The following HDGFL3 variants were observed in gnomAD, a reference collection of about 807,000 sequenced individuals.
HDGFL3 encodes the protein HDGF like 3, also known as hepatoma-derived growth factor-related protein 3.
A neutral mutation model predicts 27.6 loss-of-function variants in HDGFL3; 6 were observed. That is an observed-to-expected ratio of 0.22 (90% CI 0.12 to 0.43). HDGFL3 has a LOEUF of 0.43. Among genes scored for constraint, HDGFL3 ranks in the 20% least tolerant of loss-of-function variants. HDGFL3 has a pLI of 1.00. For missense variants in HDGFL3, 207 were observed against 250.1 expected, an observed-to-expected ratio of 0.83 and a Z score of 1.16; for synonymous variants, 88 against 88.9, an observed-to-expected ratio of 0.99 and a Z score of 0.05.
chr15:83,122,617 C>G (rs1006540898), intron 3 of HDGFL3: 7 of 821,680 alleles, frequency 8.5e-6, no homozygotes, highest in Non-Finnish European at 1.3e-5. Flanking sequence ...TTTAAATTGA[C>G]CTTTTTAATT....
intron 5 of HDGFL3, among the ~76,000 whole-genome samples, chr15:83,150,987 C>A (rs902265249): frequency 6.6e-6 from 1 of 152,104 alleles, no homozygotes; most frequent in Non-Finnish European, 1.5e-5. Context: ...GAAAAATAAA[C>A]CTGTTCATAG....
At chr15:83,115,913 G>A in intron 3 of HDGFL3, 1 of 1,614,146 alleles carries the variant, frequency 6.2e-7, no homozygotes, top group Non-Finnish European at 8.5e-7. Flanking sequence ...TGGAATCATT[G>A]ACGGGTTCAT....
chr15:83,123,214 C>T (rs145599217), downstream of HDGFL3, among the ~76,000 whole-genome samples: 2 of 152,204 alleles, frequency 1.3e-5, no homozygotes, highest in East Asian at 1.9e-4. Flanking sequence ...ATGGCCTGGA[C>T]GTTGAACACC....
intron 1 of HDGFL3, among the ~76,000 whole-genome samples, chr15:83,177,110 G>T (rs2037322410): frequency 6.6e-6 from 1 of 152,142 alleles, no homozygotes; most frequent in Non-Finnish European, 1.5e-5. Flanking sequence ...GTAGAGACAG[G>T]ATTTCACCAT....
At position 83,132,395 on chromosome 15, in the gene HDGFL3, T is replaced by C. The variant is rs2036313379; in HGVS notation, c.*6875A>G. 6.6e-6 allele frequency: 1 copy of C among 152,200 alleles called. No individual in the cohort carries two copies. Among genetic ancestry groups the C allele is most frequent in the African/African-American group, 2.4e-5 (1 of 41,446 alleles). The allele number at this position is 152,200 out of a possible 1,614,324, so 9.4% of individuals were successfully genotyped here. ...CATGGGCTTGGTAAGGAGCCTGCCA[T>C]CCCACAGCCAGCGAAGGAGGTTCAG... On this transcript the variant is annotated 3_prime_UTR_variant, in exon 6 of 6. Coordinates refer to ENST00000299633, the MANE Select transcript of HDGFL3 (RefSeq NM_016073.4).
At chr15:83,203,930 G>A (rs2037683564) in intron 1 of HDGFL3, among the ~76,000 whole-genome samples, 1 of 149,752 alleles carries the variant, frequency 6.7e-6, no homozygotes, top group African/African-American at 2.5e-5. Flanking sequence ...TCAGAGACTC[G>A]TTTTAGCCTC....
intron 4 of HDGFL3, among the ~76,000 whole-genome samples, chr15:83,154,822 C>A (rs2037008812): frequency 2.0e-5 from 3 of 152,118 alleles, no homozygotes; most frequent in African/African-American, 7.2e-5. Context: ...AGTTTGAGAA[C>A]CATTATGCTA....
At chr15:83,182,006 T>C (rs1195209354) in intron 1 of HDGFL3, among the ~76,000 whole-genome samples, 1 of 152,224 alleles carries the variant, frequency 6.6e-6, no homozygotes, top group Admixed American at 6.5e-5. Context: ...CATTATTTGG[T>C]AATGTGATAA....
intron 3 of HDGFL3, chr15:83,119,873 C>A: frequency 1.3e-6 from 1 of 775,064 alleles, no homozygotes; most frequent in African/African-American, 1.7e-5. Flanking sequence ...TTCTGAATTG[C>A]TCCCTAGCAT....
chr15:83,200,199 A>T (rs1277612019), intron 1 of HDGFL3, among the ~76,000 whole-genome samples: 4 of 151,738 alleles, frequency 2.6e-5, no homozygotes, highest in African/African-American at 4.8e-5. Flanking sequence ...CAAAAAAATC[A>T]GCCCAGCGTG....
At chr15:83,156,880 G>A (rs183924036) in intron 4 of HDGFL3, among the ~76,000 whole-genome samples, 2 of 152,182 alleles carry the variant, frequency 1.3e-5, no homozygotes, top group East Asian at 3.9e-4. Context: ...TACATTGTTA[G>A]TAGAGATGGG....
downstream of HDGFL3, among the ~76,000 whole-genome samples, chr15:83,125,714 G>C (rs73455417): frequency 1.2e-4 from 18 of 152,328 alleles, no homozygotes; most frequent in East Asian, 3.9e-4. Flanking sequence ...GTTGGCGCGC[G>C]TAACAGTTGG....
intron 1 of HDGFL3, among the ~76,000 whole-genome samples, chr15:83,185,675 T>C (rs1420925945): frequency 6.6e-6 from 1 of 152,090 alleles, no homozygotes; most frequent in African/African-American, 2.4e-5. Context: ...TATTGAGAAG[T>C]GAAGATGAGA....
chr15:83,168,001 A>G (rs2037194343), intron 1 of HDGFL3, among the ~76,000 whole-genome samples: 1 of 152,252 alleles, frequency 6.6e-6, no homozygotes, highest in African/African-American at 2.4e-5. Flanking sequence ...CAATACCAAG[A>G]AGATCTCTCA....
At chr15:83,155,634 G>T (rs1445132127) in intron 4 of HDGFL3, among the ~76,000 whole-genome samples, 1 of 152,134 alleles carries the variant, frequency 6.6e-6, no homozygotes, top group Non-Finnish European at 1.5e-5. Context: ...TTTTCATTAG[G>T]TACACAGGAA....
At chr15:83,122,624 A>T in intron 3 of HDGFL3, 1 of 887,872 alleles carries the variant, frequency 1.1e-6, no homozygotes, top group Non-Finnish European at 1.7e-6. Flanking sequence ...TGACCTTTTT[A>T]ATTTGGCCTC....
chr15:83,206,899 C>T (rs1052073928), intron 1 of HDGFL3, among the ~76,000 whole-genome samples: 3 of 152,232 alleles, frequency 2.0e-5, no homozygotes, highest in African/African-American at 4.8e-5. Flanking sequence ...TTACTGCCCG[C>T]CGGCACTCGC....
downstream of HDGFL3, chr15:83,126,860 T>C (rs772654611): frequency 5.7e-6 from 9 of 1,591,528 alleles, no homozygotes; most frequent in South Asian, 2.3e-5. Context: ...CAAGTAGTTA[T>C]GAAGCCTAAG....
At chr15:83,167,210 C>T (rs539081863) in intron 1 of HDGFL3, among the ~76,000 whole-genome samples, 1 of 152,218 alleles carries the variant, frequency 6.6e-6, no homozygotes, top group African/African-American at 2.4e-5. Flanking sequence ...CATAAAAGAG[C>T]AGGAGTTGCT....
Sources: gnomAD v4.1 joint callset for allele counts (sites outside exome capture counted in the v4.1 genomes callset) on GRCh38, gnomAD v4.1.1 for gene constraint, MANE v1.5 for transcripts, NCBI Gene and HGNC (gene_info 2026-07-23, HGNC 2026-07-21) for gene names.